The following HDAC2 variants were observed in gnomAD, a reference collection of about 807,000 sequenced individuals.
HDAC2 encodes the protein YY1-associated factor 1.
A neutral mutation model predicts 68.5 loss-of-function variants in HDAC2; 5 were observed. The observed-to-expected ratio is 0.07, with a 90% confidence interval of 0.04 to 0.15. The LOEUF is 0.15. Ranked by LOEUF, HDAC2 falls within the 10% of genes least tolerant of loss-of-function variation. HDAC2 has a pLI of 1.00. For synonymous variants in HDAC2, 182 were observed against 191.3 expected (o/e 0.95, Z 0.40); for missense variants, 291 against 600.8 (o/e 0.48, Z 5.39).
chr6:113,956,867 G>T, intron 3 of HDAC2, 174 bp from the exon 4 acceptor site: 1 of 542,294 alleles, frequency 1.8e-6, no homozygotes, highest in South Asian at 2.6e-5. Flanking sequence ...TTTATCCAAG[G>T]TAATTAAAGT....
intron 2 of HDAC2, among the ~76,000 whole-genome samples, chr6:113,959,195 C>G (rs1265903309): frequency 6.6e-6 from 1 of 152,058 alleles, no homozygotes; most frequent in Non-Finnish European, 1.5e-5. Flanking sequence ...CTTCCTTGTT[C>G]CGAAGAGCTC....
At position 113,937,218 on chromosome 6, in the gene HDAC2, A is replaced by G. The variant is rs1002910174; in HGVS notation, c.*3840T>C. ...AAAAGCCCTTATCATTTATATCACA[A>G]TATGAATAACAAATATTATGAATCG... On this transcript the variant is annotated 3_prime_UTR_variant, in exon 14 of 14. Coordinates refer to ENST00000519065, the MANE Select transcript of HDAC2 (RefSeq NM_001527.4). The G allele has an allele frequency of 3.2e-4, 49 of 152,228 alleles. No homozygotes were observed. The highest frequency in any genetic ancestry group is 1.2e-3 in the African/African-American group (48 of 41,466). The allele number at this position is 152,228 out of a possible 1,614,324, so 9.4% of individuals were successfully genotyped here. A position where few individuals can be genotyped will look rare whatever the true frequency, so the allele number is the denominator to read the frequency against.
intron 2 of HDAC2, among the ~76,000 whole-genome samples, chr6:113,959,174 T>A (rs1776622651): frequency 6.6e-6 from 1 of 152,120 alleles, no homozygotes; most frequent in African/African-American, 2.4e-5. Context: ...CGTCCTTTTT[T>A]CTATCCTAAT....
intron 12 of HDAC2, 24 bp from the exon 13 acceptor site, chr6:113,941,789 A>T (rs1776141569): frequency 2.2e-6 from 2 of 912,252 alleles, no homozygotes; most frequent in African/African-American, 1.7e-5. Flanking sequence ...TTGGGAAAAG[A>T]TTAAAACCTA....
chr6:113,951,819 A>T (rs1776426868), intron 6 of HDAC2, among the ~76,000 whole-genome samples: 1 of 152,198 alleles, frequency 6.6e-6, no homozygotes, highest in South Asian at 2.1e-4. Context: ...GCCATTCTCA[A>T]ATCCTTCTAA....
In HDAC2 at chr6:113,938,679, G is replaced by A. The variant is rs1183648942; in HGVS notation, c.*2379C>T. 1.3e-5 allele frequency: 2 copies of A among 151,972 alleles called. No individual in the cohort carries two copies. The highest frequency in any genetic ancestry group is 3.9e-4 in the East Asian group (2 of 5,172). 9.4% of individuals were successfully genotyped at this position (151,972 alleles called of 1,614,324 possible). ...CTATATGAATTTTTTAAAGTATTAG[G>A]GTATTCTGACATCTTACTATGTTAC... On this transcript the variant is annotated 3_prime_UTR_variant, in exon 14 of 14. Transcript: ENST00000519065.
chr6:113,970,718 C>T, intron 1 of HDAC2, 139 bp downstream of exon 1: 1 of 1,396,536 alleles, frequency 7.2e-7, no homozygotes, highest in Middle Eastern at 2.7e-4. Context: ...TGTGCCGGGC[C>T]GGGAACGGGT....
intron 11 of HDAC2, 119 bp downstream of exon 11, chr6:113,944,161 A>C (rs2114590529): frequency 1.1e-6 from 1 of 902,756 alleles, no homozygotes; most frequent in East Asian, 2.5e-5. Flanking sequence ...AAGTGGCAAA[A>C]ATGACAATAT....
At chr6:113,951,320 T>A (rs1282474074) in intron 6 of HDAC2, among the ~76,000 whole-genome samples, 1 of 152,180 alleles carries the variant, frequency 6.6e-6, no homozygotes, top group Non-Finnish European at 1.5e-5. Flanking sequence ...GTTTATTAAA[T>A]TAACATCCAA....
rs1775978613 is a variant in HDAC2, at chr6:113,935,259, CA to C, written c.*5798del. The C allele has an allele frequency of 2.6e-5, 4 of 152,150 alleles. No individual in the cohort carries two copies. Among genetic ancestry groups the C allele is most frequent in the African/African-American group, 7.2e-5 (3 of 41,422 alleles). The allele number at this position is 152,150 out of a possible 1,614,324, so 9.4% of individuals were successfully genotyped here. A position where few individuals can be genotyped will look rare whatever the true frequency, so the allele number is the denominator to read the frequency against. On this transcript the variant is annotated 3_prime_UTR_variant, in exon 14 of 14. Transcript: ENST00000519065. ...ACATAGCATATTTAAAAAATAAGAG[CA>C]AAAGGGGAAATTCTTGTCTTTTTAA...
intron 6 of HDAC2, 80 bp downstream of exon 6, chr6:113,953,196 GA>G: frequency 2.0e-6 from 2 of 983,610 alleles, no homozygotes; most frequent in Non-Finnish European, 3.0e-6. Context: ...TAACTCAGGA[GA>G]AAAATACTAC....
intron 6 of HDAC2, among the ~76,000 whole-genome samples, chr6:113,952,710 T>G (rs1014549757): frequency 1.3e-5 from 2 of 152,024 alleles, no homozygotes; most frequent in African/African-American, 2.4e-5. Context: ...TTCAGAGTCA[T>G]AAAAGACAAG....
intron 4 of HDAC2, chr6:113,956,372 T>C: frequency 5.3e-6 from 3 of 566,554 alleles, no homozygotes; most frequent in Non-Finnish European, 9.3e-6. Context: ...AAAGTGGTAG[T>C]AACAATGATA....
chr6:113,960,788 AG>A (rs750808738), intron 1 of HDAC2, among the ~76,000 whole-genome samples: 6 of 152,096 alleles, frequency 3.9e-5, no homozygotes, highest in Non-Finnish European at 8.8e-5. Context: ...AATAACAAGA[AG>A]CCTCTCAAAT....
At chr6:113,963,607 G>A (rs200641961) in intron 1 of HDAC2, among the ~76,000 whole-genome samples, 2 of 152,262 alleles carry the variant, frequency 1.3e-5, no homozygotes, top group Admixed American at 1.3e-4. Flanking sequence ...GCTAACTGGA[G>A]CATGTCAAAT....
intron 10 of HDAC2, among the ~76,000 whole-genome samples, chr6:113,944,999 G>A (rs1394820798): frequency 3.9e-5 from 6 of 151,986 alleles, no homozygotes; most frequent in Admixed American, 3.9e-4. Flanking sequence ...AGTGCACCTT[G>A]CAATTTTAAA....
intron 1 of HDAC2, among the ~76,000 whole-genome samples, chr6:113,965,920 G>C (rs1776804267): frequency 6.6e-6 from 1 of 152,232 alleles, no homozygotes; most frequent in South Asian, 2.1e-4. Context: ...CATTCCCTAA[G>C]AGATGCCTTC....
intron 1 of HDAC2, among the ~76,000 whole-genome samples, chr6:113,961,000 A>C (rs1776670843): frequency 2.0e-5 from 3 of 152,110 alleles, no homozygotes; most frequent in Admixed American, 2.0e-4. Flanking sequence ...GATGACTTAA[A>C]GTGTAAGGGG....
chr6:113,947,052 C>CA (rs1357412928), intron 8 of HDAC2: 2 of 152,102 alleles, frequency 1.3e-5, no homozygotes, highest in African/African-American at 4.8e-5. Flanking sequence ...AAGCATTCTT[C>CA]AATAGTTGCA....
Sources: allele counts gnomAD v4.1 joint callset (sites outside exome capture counted in the v4.1 genomes callset), GRCh38; gene constraint gnomAD v4.1.1; transcripts MANE v1.5; gene names NCBI Gene and HGNC (gene_info 2026-07-23, HGNC 2026-07-21).